Variants in GGT1 observed in about 807,000 individuals in gnomAD.
GGT1 encodes glutathione hydrolase 1 proenzyme.
GGT1 carries 21 observed loss-of-function variants against 56.0 expected under a neutral mutation model. That is an observed-to-expected ratio of 0.38 (90% CI 0.27 to 0.54). GGT1 has a LOEUF of 0.54. GGT1 is among the 20% of genes least tolerant of loss of function. The pLI, the probability that GGT1 is intolerant of heterozygous loss-of-function variation, is 0.82. For missense variants in GGT1, 466 were observed against 787.0 expected, an observed-to-expected ratio of 0.59 and a Z score of 4.88; for synonymous variants, 238 against 342.6, an observed-to-expected ratio of 0.69 and a Z score of 3.37.
At chr22:24,589,346 G>A in the GGT1 span, 39 of 1,144,018 alleles carry the variant, frequency 3.4e-5, no homozygotes, top group Non-Finnish European at 4.1e-5. Flanking sequence ...TGTTGTAGGG[G>A]AAAGCAGTGA....
At chr22:24,626,305 C>A (rs1224501581) in intron 11 of GGT1, among the ~76,000 whole-genome samples, 1 of 138,676 alleles carries the variant, frequency 7.2e-6, no homozygotes, top group African/African-American at 2.9e-5. Flanking sequence ...TGAGCCACCG[C>A]GCCCGGTGTT....
At chr22:24,591,267 AG>A (rs1285465552), upstream of GGT1, among the ~76,000 whole-genome samples, 1 of 152,178 alleles carries the variant, frequency 6.6e-6, no homozygotes, top group Non-Finnish European at 1.5e-5. Flanking sequence ...TTAGCAGGGA[AG>A]GGGTTTCTCC....
rs1230028243 is a variant in GGT1 at position 24,620,777 on chromosome 22, C to T, written c.576-136C>T. 2.3e-5 allele frequency: 34 copies of T among 1,455,048 alleles called. No individual in the cohort carries two copies. The highest frequency in any genetic ancestry group is 2.9e-5 in the African/African-American group (2 of 70,150). The allele number at this position is 1,455,048 out of a possible 1,614,324, so 90.1% of individuals were successfully genotyped here. A position where few individuals can be genotyped will look rare whatever the true frequency, so the allele number is the denominator to read the frequency against. On this transcript the variant is annotated intron_variant, in intron 8 of 15. Transcript: ENST00000400382. The surrounding 1 kb of genome is among the most constrained non-coding windows in gnomAD (Gnocchi z 5.6). ...CCGGAAGGGACACTAGGAAGACGAG[C>T]GCTGAGTGACAGGGCCACCCACCTG...
chr22:24,599,557 G>A (rs1480127208), upstream of GGT1, among the ~76,000 whole-genome samples: 2 of 152,104 alleles, frequency 1.3e-5, no homozygotes, highest in African/African-American at 4.8e-5. Context: ...TTGGCCTATG[G>A]GGACTGGAGG....
intron 1 of GGT1, among the ~76,000 whole-genome samples, chr22:24,605,073 A>AT (rs2045963320): frequency 2.7e-5 from 2 of 73,280 alleles, no homozygotes; most frequent in African/African-American, 9.4e-5. Flanking sequence ...TGTAATATAT[A>AT]ATATATAAAG....
At chr22:24,588,272 T>G in the GGT1 span, 1 of 1,613,420 alleles carries the variant, frequency 6.2e-7, no homozygotes, top group Non-Finnish European at 8.5e-7. Flanking sequence ...GAGTGAGGGG[T>G]GAGGTGGTAG....
At chr22:24,623,351 G>A (rs905522968) in intron 10 of GGT1, 95 bp downstream of exon 10, 162 of 1,354,310 alleles carry the variant, frequency 1.2e-4, no homozygotes, top group Middle Eastern at 2.6e-4. Flanking sequence ...CGCCCCCCAT[G>A]CCACGTCTTT....
chr22:24,618,107 T>C (rs1228270122), intron 7 of GGT1, among the ~76,000 whole-genome samples: 1 of 152,128 alleles, frequency 6.6e-6, no homozygotes, highest in Non-Finnish European at 1.5e-5. Context: ...TCTATATTTA[T>C]GGGTACATGT....
At position 24,623,766 on chromosome 22, in the gene GGT1, C is replaced by T. The variant is rs564377251; in HGVS notation, c.884-14C>T. On this transcript the variant is annotated splice_polypyrimidine_tract_variant and intron_variant, in intron 10 of 15. Transcript: ENST00000400382. Reference sequence around the variant, plus strand: ...CTGGGGCTCAGCAACATGCACCTGGCTCTGATCAACCAGGGTACAACTTCT... The same window carrying T: ...CTGGGGCTCAGCAACATGCACCTGGTTCTGATCAACCAGGGTACAACTTCT... 104 of 1,611,570 alleles carry T rather than the reference C, an allele frequency of 6.5e-5. No individual in the cohort carries two copies. The South Asian group carries it at 1.0e-3, about 16-fold the overall frequency.
chr22:24,589,345 G>A, the GGT1 span: 1 of 1,144,868 alleles, frequency 8.7e-7, no homozygotes, highest in Non-Finnish European at 1.1e-6. Context: ...CTGTTGTAGG[G>A]GAAAGCAGTG....
At position 24,627,953 on chromosome 22, in the gene GGT1, C is replaced by T. The variant is rs773265729; in HGVS notation, c.1310C>T (p.Pro437Leu). 1 of 1,613,728 alleles carries T rather than the reference C, an allele frequency of 6.2e-7. No individual in the cohort carries two copies. Among genetic ancestry groups the T allele is most frequent in the South Asian group, 1.1e-5 (1 of 91,068 alleles). ...PSITNEFGVP[P>L]SPANFIQPGK... ...ATCACCAACGAGTTTGGGGTACCCC[C>T]CTCACCTGCCAATTTCATCCAGCCA... is the stretch of plus-strand genomic sequence containing the variant. The change falls in exon 13 of 16, where the codon CCC becomes CTC. Residue 437 changes from proline (P) to leucine (L), a missense_variant. Pro to Leu is a moderately conservative substitution (Grantham distance 98). This residue lies in a region of GGT1 where 456 missense variants were observed against 716.7 expected (regional missense o/e 0.64). Coordinates refer to ENST00000400382, the MANE Select transcript of GGT1 (RefSeq NM_001288833.2).
chr22:24,617,427 G>T (rs1360424473), intron 7 of GGT1, among the ~76,000 whole-genome samples: 4 of 152,188 alleles, frequency 2.6e-5, no homozygotes, highest in Non-Finnish European at 5.9e-5. Flanking sequence ...GGACCCCGTG[G>T]GTTGCTGTGT....
the GGT1 span, chr22:24,585,865 A>T: frequency 6.4e-7 from 1 of 1,551,656 alleles, no homozygotes; most frequent in Non-Finnish European, 8.7e-7. Flanking sequence ...GTCAGTAGCA[A>T]TGAGCCAGGT....
the GGT1 span, among the ~76,000 whole-genome samples, chr22:24,584,847 G>A: frequency 6.6e-6 from 1 of 151,882 alleles, no homozygotes; most frequent in Non-Finnish European, 1.5e-5. Flanking sequence ...GGGCTGAACT[G>A]TAACTCCCCA....
At chr22:24,602,642 A>T (rs1460053752), upstream of GGT1, among the ~76,000 whole-genome samples, 3 of 152,100 alleles carry the variant, frequency 2.0e-5, no homozygotes, top group African/African-American at 7.2e-5. Context: ...GACCCCTGAA[A>T]TTGGGGGTCA....
rs4049811 is a variant in GGT1 at position 24,628,594 on chromosome 22, C to T, written c.1564-99C>T. On this transcript the variant is annotated intron_variant, in intron 15 of 15. Transcript: ENST00000400382. The surrounding 1 kb of genome is among the most constrained non-coding windows in gnomAD (Gnocchi z 5.7). Reference sequence around the variant, plus strand: ...ACCTGCTCTTCCTGATGACCTGGCCCGAAATGGCACCACCTGGGCTGAGGC... The same window carrying T: ...ACCTGCTCTTCCTGATGACCTGGCCTGAAATGGCACCACCTGGGCTGAGGC... 6.1e-5 allele frequency: 97 copies of T among 1,593,974 alleles called. No individual in the cohort carries two copies. Among genetic ancestry groups the T allele is most frequent in the Middle Eastern group, 2.3e-4 (1 of 4,388 alleles).
At chr22:24,592,851 T>TC (rs1335072092), upstream of GGT1, 1 of 1,275,954 alleles carries the variant, frequency 7.8e-7, no homozygotes, top group Non-Finnish European at 9.9e-7. Context: ...GGCGGACGGC[T>TC]CCTTCTCTCG....
chr22:24,614,924 G>A lies in GGT1; in HGVS notation c.295+18G>A, dbSNP rs1485537427. On this transcript the variant is annotated intron_variant, in intron 6 of 15. Coordinates refer to ENST00000400382, the MANE Select transcript of GGT1 (RefSeq NM_001288833.2). ...CACCACACGTGAGTGCCTCGGGAGA[G>A]GAGAGGGAGAGGGGCAGGGGGTGTG... is the stretch of plus-strand genomic sequence containing the variant. 5 of 1,611,582 alleles carry A rather than the reference G, an allele frequency of 3.1e-6. No individual in the cohort carries two copies. Among genetic ancestry groups the A allele is most frequent in the Non-Finnish European group, 4.2e-6 (5 of 1,178,490 alleles).
intron 11 of GGT1, among the ~76,000 whole-genome samples, chr22:24,626,191 A>G (rs946364371): frequency 2.7e-5 from 4 of 148,672 alleles, no homozygotes; most frequent in Admixed American, 6.7e-5. Flanking sequence ...ACGGGGTTTC[A>G]CTGTGTTAGC....
Sources: allele counts gnomAD v4.1 joint callset (sites outside exome capture counted in the v4.1 genomes callset), GRCh38; gene constraint gnomAD v4.1.1; regional missense constraint gnomAD v4.1.1; non-coding constraint Gnocchi (gnomAD v3.1); transcripts MANE v1.5; gene names NCBI Gene and HGNC (gene_info 2026-07-23, HGNC 2026-07-21).